PCSK5: variants seen among roughly 807,000 people sequenced by gnomAD.
PCSK5 encodes proprotein convertase subtilisin/kexin type 5.
In PCSK5, 129 loss-of-function variants were observed where a neutral mutation model predicts 233.2. The observed-to-expected ratio is 0.55, with a 90% CI of 0.48 to 0.64. The LOEUF (loss-of-function observed/expected upper bound fraction) is 0.64. Ranked by LOEUF, PCSK5 falls within the 30% of genes least tolerant of loss-of-function variation. PCSK5 has a pLI of 0.00. For synonymous variants in PCSK5, 825 were observed against 879.2 expected, an observed-to-expected ratio of 0.94 and a Z score of 1.09; for missense variants, 2,076 against 2,430.1, an observed-to-expected ratio of 0.85 and a Z score of 3.06.
chr9:75,890,377 T>G (rs1295271800), upstream of PCSK5, among the ~76,000 whole-genome samples: 1 of 152,152 alleles, frequency 6.6e-6, no homozygotes. Context: ...GTAAATTTCT[T>G]TAGTCTTTCG....
At chr9:76,302,238 CA>C in intron 28 of PCSK5, 21 bp downstream of exon 28, 1 of 1,140,298 alleles carries the variant, frequency 8.8e-7, no homozygotes. Context: ...AATAGGGAGG[CA>C]ACAATCACAG....
At chr9:76,024,845 C>G (rs1375727132) in intron 4 of PCSK5, among the ~76,000 whole-genome samples, 4 of 152,184 alleles carry the variant, frequency 2.6e-5, no homozygotes, top group African/African-American at 9.7e-5. Flanking sequence ...TCCCTCCAGT[C>G]TGGATTTGTT....
intron 1 of PCSK5, among the ~76,000 whole-genome samples, chr9:75,929,967 A>AT (rs1823705115): frequency 6.6e-6 from 1 of 150,482 alleles, no homozygotes; most frequent in East Asian, 2.0e-4. Flanking sequence ...GATTCAAGTG[A>AT]TTCTTCTGCC....
intron 8 of PCSK5, among the ~76,000 whole-genome samples, chr9:76,100,110 A>G (rs1212459414): frequency 6.6e-6 from 1 of 152,224 alleles, no homozygotes. Context: ...TACTTCTAGC[A>G]CAGTTGTGGA....
chr9:76,147,373 AG>A (rs1823482189), intron 10 of PCSK5, among the ~76,000 whole-genome samples: 1 of 152,162 alleles, frequency 6.6e-6, no homozygotes, highest in African/African-American at 2.4e-5. Context: ...TCCTGGCATG[AG>A]GGAAGGGGTA....
At chr9:75,951,990 A>G (rs949531499) in intron 2 of PCSK5, among the ~76,000 whole-genome samples, 1 of 152,168 alleles carries the variant, frequency 6.6e-6, no homozygotes, top group African/African-American at 2.4e-5. Flanking sequence ...TTTCAACCAT[A>G]CAGCCAAATT....
At chr9:76,052,540 A>T (rs1563997648) in intron 5 of PCSK5, among the ~76,000 whole-genome samples, 1 of 151,734 alleles carries the variant, frequency 6.6e-6, no homozygotes, top group Non-Finnish European at 1.5e-5. Context: ...GAAAAAATCC[A>T]CCCCCTGATT....
At chr9:76,184,894 G>A in intron 17 of PCSK5, 137 bp downstream of exon 17, 1 of 523,400 alleles carries the variant, frequency 1.9e-6, no homozygotes, top group Non-Finnish European at 3.4e-6. Context: ...TCAAGCACTT[G>A]ATTGCTATTT....
intron 3 of PCSK5, among the ~76,000 whole-genome samples, chr9:76,006,126 T>G (rs768442954): frequency 1.3e-4 from 20 of 152,104 alleles, no homozygotes; most frequent in Non-Finnish European, 1.8e-4. Flanking sequence ...GTGTGTTTTA[T>G]CTGATATCAG....
chr9:75,934,564 T>C (rs191256764), intron 2 of PCSK5, among the ~76,000 whole-genome samples: 390 of 151,816 alleles, frequency 2.6e-3, no homozygotes, highest in African/African-American at 8.8e-3. Context: ...TGGGGGTTCC[T>C]AAGTTTTTTT....
intron 20 of PCSK5, chr9:76,195,233 C>T (rs1824633172): frequency 6.6e-6 from 1 of 152,172 alleles, no homozygotes; most frequent in East Asian, 1.9e-4. Flanking sequence ...AACGCACAGT[C>T]TTACGTGGAC....
chr9:76,142,955 TG>T (rs1823289750), intron 10 of PCSK5, among the ~76,000 whole-genome samples: 1 of 152,212 alleles, frequency 6.6e-6, no homozygotes, highest in Non-Finnish European at 1.5e-5. Context: ...TAAGATTACT[TG>T]GATTTCAATA....
chr9:76,087,854 AGGAAGAGGAGG>A (rs1422978046), intron 7 of PCSK5, among the ~76,000 whole-genome samples: 2 of 152,202 alleles, frequency 1.3e-5, no homozygotes, highest in Non-Finnish European at 2.9e-5. Flanking sequence ...TCAGATGTGG[AGGAAGAGGAGG>A]GAGTGAAGTC....
chr9:76,078,606 T>G (rs2131615375), intron 7 of PCSK5, among the ~76,000 whole-genome samples: 1 of 152,310 alleles, frequency 6.6e-6, no homozygotes, highest in Non-Finnish European at 1.5e-5. Context: ...ATTTTTTTGG[T>G]TGACTTTGTT....
At chr9:76,283,986 A>G (rs1007946954) in intron 24 of PCSK5, among the ~76,000 whole-genome samples, 1 of 152,220 alleles carries the variant, frequency 6.6e-6, no homozygotes, top group African/African-American at 2.4e-5. Flanking sequence ...TACAATCTTA[A>G]GGAACCAAAC....
intron 7 of PCSK5, among the ~76,000 whole-genome samples, chr9:76,088,894 T>C (rs1831169752): frequency 6.6e-6 from 1 of 151,850 alleles, no homozygotes; most frequent in Non-Finnish European, 1.5e-5. Flanking sequence ...CAGTAGTTTT[T>C]AAAGGGGGTT....
At chr9:75,941,011 G>A (rs1006506299) in intron 2 of PCSK5, among the ~76,000 whole-genome samples, 3 of 152,192 alleles carry the variant, frequency 2.0e-5, no homozygotes, top group African/African-American at 7.2e-5. Context: ...TTGTGGCCAT[G>A]CTTTTTCACA....
At chr9:76,323,739 T>C (rs1467343436) in intron 32 of PCSK5, among the ~76,000 whole-genome samples, 4 of 152,182 alleles carry the variant, frequency 2.6e-5, no homozygotes, top group Non-Finnish European at 4.4e-5. Context: ...AGGTAACTTT[T>C]ATTAGTGACA....
At chr9:76,301,269 CAAAA>C (rs35450863) in intron 27 of PCSK5, among the ~76,000 whole-genome samples, 1 of 129,082 alleles carries the variant, frequency 7.7e-6, no homozygotes. Flanking sequence ...GCGACTCTCT[CAAAA>C]AAAAAAAAAA....
Sources: gnomAD v4.1 joint callset for allele counts (sites outside exome capture counted in the v4.1 genomes callset) on GRCh38, gnomAD v4.1.1 for gene constraint, MANE v1.5 for transcripts, NCBI Gene and HGNC (gene_info 2026-07-23, HGNC 2026-07-21) for gene names.